The following NAV2 variants were observed in gnomAD, a reference collection of about 807,000 sequenced individuals.
The protein encoded by NAV2 is helicase, APC down-regulated 1.
NAV2 carries 54 observed loss-of-function variants against 223.2 expected under a neutral mutation model. The ratio of observed to expected loss-of-function variants is 0.24; its 90% CI spans 0.19 to 0.30. The LOEUF is 0.30. Ranked by LOEUF, NAV2 falls within the 10% of genes least tolerant of loss-of-function variation. The probability of loss-of-function intolerance (pLI) is 1.00; values close to 1 mark genes in which losing one functional copy is unlikely to be tolerated. For synonymous variants in NAV2, 1,279 were observed against 1,239.3 expected (o/e 1.03, Z -0.67); for missense variants, 2,806 against 3,147.5 (o/e 0.89, Z 2.60).
intron 12 of NAV2, among the ~76,000 whole-genome samples, chr11:20,041,295 A>G (rs911354249): frequency 6.6e-6 from 1 of 152,162 alleles, no homozygotes; most frequent in African/African-American, 2.4e-5. Context: ...CTTCCTCACT[A>G]TGTGATCTTG....
Position 19,646,978 on chromosome 11 carries a change from C to G in NAV2, c.76-185506C>G, listed in dbSNP as rs138313134. On this transcript the variant is annotated intron_variant, in intron 1 of 37. Coordinates refer to the NAV2 transcript ENST00000360655. ...TAGGCCTCCAGATTTTCTGAAAGCT[C>G]TGCCACAGGCAGGTGGCAGGAGTAT... Among the ~76,000 whole-genome samples the G allele has an allele frequency of 6.2e-4, 95 of 152,298 alleles. 1 individual carries two copies. The highest frequency in any genetic ancestry group is 2.1e-3 in the African/African-American group (89 of 41,564).
chr11:19,618,826 G>T (rs2046893739), intron 1 of NAV2, among the ~76,000 whole-genome samples: 1 of 151,726 alleles, frequency 6.6e-6, no homozygotes, highest in South Asian at 2.1e-4. Context: ...GAGTAAGAAG[G>T]AAGATGGCCT....
At chr11:19,745,516 T>A (rs1414509427) in intron 1 of NAV2, among the ~76,000 whole-genome samples, 1 of 152,048 alleles carries the variant, frequency 6.6e-6, no homozygotes, top group Non-Finnish European at 1.5e-5. Flanking sequence ...TTCCTGCCCC[T>A]GGCTTTTGAC....
chr11:19,831,656 G>A (rs1456856717), intron 1 of NAV2, among the ~76,000 whole-genome samples: 1 of 152,194 alleles, frequency 6.6e-6, no homozygotes, highest in African/African-American at 2.4e-5. Context: ...TTTCAGGCAA[G>A]AGTTTTCTTG....
chr11:20,018,135 C>T (rs2054168945), intron 11 of NAV2, among the ~76,000 whole-genome samples: 1 of 152,104 alleles, frequency 6.6e-6, no homozygotes, highest in Non-Finnish European at 1.5e-5. Flanking sequence ...AGGCGGATCA[C>T]TTGAGATCAG....
intron 1 of NAV2, among the ~76,000 whole-genome samples, chr11:19,398,609 C>G (rs1452650241): frequency 2.0e-5 from 3 of 152,180 alleles, no homozygotes; most frequent in Admixed American, 2.0e-4. Context: ...ACCCTCTGCT[C>G]TCATGAACTT....
At chr11:19,748,751 G>A (rs1025937027) in intron 1 of NAV2, among the ~76,000 whole-genome samples, 2 of 152,258 alleles carry the variant, frequency 1.3e-5, no homozygotes, top group Non-Finnish European at 2.9e-5. Context: ...ACGGGGCAGG[G>A]AAGGTGCAGG....
At chr11:19,633,601 A>G (rs2047407017) in intron 1 of NAV2, among the ~76,000 whole-genome samples, 1 of 152,244 alleles carries the variant, frequency 6.6e-6, no homozygotes, top group Non-Finnish European at 1.5e-5. Context: ...TGCCTGACGG[A>G]GCTCGGGCCC....
intron 29 of NAV2, among the ~76,000 whole-genome samples, chr11:20,093,732 G>A (rs536586572): frequency 1.4e-4 from 21 of 152,250 alleles, no homozygotes; most frequent in Admixed American, 1.1e-3. Context: ...TGGGGAATCC[G>A]AGTTTTCCTA....
intron 11 of NAV2, chr11:20,027,373 T>G: frequency 2.0e-6 from 2 of 985,242 alleles, no homozygotes; most frequent in Non-Finnish European, 2.4e-6. Flanking sequence ...TCTGGACTTT[T>G]TTGCAACTGA....
intron 6 of NAV2, among the ~76,000 whole-genome samples, chr11:19,918,363 ACTTT>A (rs2043982813): frequency 6.6e-6 from 1 of 152,228 alleles, no homozygotes; most frequent in Non-Finnish European, 1.5e-5. Flanking sequence ...GAAACCATCA[ACTTT>A]GCTTCTGGCT....
intron 1 of NAV2, among the ~76,000 whole-genome samples, chr11:19,695,024 G>C (rs2049288930): frequency 6.6e-6 from 1 of 152,206 alleles, no homozygotes; most frequent in Non-Finnish European, 1.5e-5. Context: ...CTGCCTGAGA[G>C]AGCTGCCACC....
chr11:19,514,938 G>A (rs1411583602), intron 1 of NAV2, among the ~76,000 whole-genome samples: 1 of 152,148 alleles, frequency 6.6e-6, no homozygotes, highest in Non-Finnish European at 1.5e-5. Flanking sequence ...TCAAAATGGT[G>A]CAAGGTGACT....
At chr11:19,812,719 T>C (rs567747120) in intron 1 of NAV2, among the ~76,000 whole-genome samples, 97 of 152,236 alleles carry the variant, frequency 6.4e-4, no homozygotes, top group African/African-American at 2.3e-3. Flanking sequence ...ATTTAAACAC[T>C]GCATACCAGA....
rs1554933583 is a variant in NAV2, at chr11:19,441,448, G to GCGCA, written c.75+90422_75+90423insGCAC. Reference sequence around the variant, plus strand: ...CACTGGGACACACACACACACACACGCACACACACACACACACACACACAC... The same window carrying GCGCA: ...CACTGGGACACACACACACACACACGCGCACACACACACACACACACACACACAC... On this transcript the variant is annotated intron_variant, in intron 1 of 37. Coordinates refer to the NAV2 transcript ENST00000360655. Among the ~76,000 whole-genome samples, 811 of 145,944 alleles carry GCGCA rather than the reference G, an allele frequency of 5.6e-3. 6 individuals carry two copies. The highest frequency in any genetic ancestry group is 0.019 in the African/African-American group (762 of 40,342).
chr11:19,982,566 G>C (rs7113284), intron 10 of NAV2, among the ~76,000 whole-genome samples: 31,980 of 152,114 alleles, frequency 0.21, 3,488 homozygotes, highest in African/African-American at 0.27. Flanking sequence ...CAAACACTTA[G>C]TCTGATTTAC....
chr11:19,565,987 A>G (rs1304301258), intron 1 of NAV2, among the ~76,000 whole-genome samples: 2 of 152,184 alleles, frequency 1.3e-5, no homozygotes, highest in East Asian at 3.8e-4. Context: ...ACCTATGGAT[A>G]GACCGCAGGA....
chr11:20,114,396 G>T (rs2062879006), intron 36 of NAV2, 196 bp from the exon 37 acceptor site: 2 of 606,354 alleles, frequency 3.3e-6, no homozygotes, highest in Non-Finnish European at 5.9e-6. Flanking sequence ...AGACCACTGG[G>T]TCATGCTGCC....
At chr11:19,935,948 C>T (rs1020737910) in intron 7 of NAV2, among the ~76,000 whole-genome samples, 11 of 145,304 alleles carry the variant, frequency 7.6e-5, no homozygotes, top group Non-Finnish European at 1.6e-4. Context: ...ACCTCTGCCT[C>T]CCAGGTACAA....
Sources: allele counts gnomAD v4.1 joint callset (sites outside exome capture counted in the v4.1 genomes callset), GRCh38; gene constraint gnomAD v4.1.1; transcripts MANE v1.5; gene names NCBI Gene and HGNC (gene_info 2026-07-23, HGNC 2026-07-21).